ABR: variants seen among roughly 807,000 people sequenced by gnomAD.
The protein encoded by ABR is ABR activator of RhoGEF and GTPase, also known as active breakpoint cluster region-related protein.
A neutral mutation model predicts 107.2 loss-of-function variants in ABR; 35 were observed. That is an observed-to-expected ratio of 0.33 (90% CI 0.25 to 0.43). The LOEUF (loss-of-function observed/expected upper bound fraction) is 0.43, where lower values mean the gene tolerates loss of function less well. ABR is among the 20% of genes least tolerant of loss of function. The pLI is 1.00. For synonymous variants in ABR, 498 were observed against 462.0 expected (o/e 1.08, Z -1.00); for missense variants, 815 against 1,115.2 (o/e 0.73, Z 3.83).
intron 16 of ABR, among the ~76,000 whole-genome samples, chr17:1,025,014 G>T (rs1374252707): frequency 1.4e-5 from 2 of 143,786 alleles, no homozygotes; most frequent in African/African-American, 5.2e-5. Context: ...CCAGCTACTC[G>T]GGAGGCTGAG....
chr17:1,088,978 CT>C (rs1431794068), intron 4 of ABR, among the ~76,000 whole-genome samples: 1 of 149,790 alleles, frequency 6.7e-6, no homozygotes, highest in Non-Finnish European at 1.5e-5. Flanking sequence ...TCACTGCAAC[CT>C]CTGCCTCCCA....
chr17:1,188,896 C>G (rs2042372313), upstream of ABR, among the ~76,000 whole-genome samples: 1 of 152,240 alleles, frequency 6.6e-6, no homozygotes, highest in Non-Finnish European at 1.5e-5. Context: ...CAGGCACACA[C>G]ACCCCTGAAA....
rs368163113 is a variant in ABR, at chr17:1,012,106, G to T, written c.1962-121C>A. Reference sequence around the variant, plus strand: ...AGCATTTGGGATGGAGAGCTGGGGCGGGGGCAGGGGCAGGGCAGAGAAAGA... The same window carrying T: ...AGCATTTGGGATGGAGAGCTGGGGCTGGGGCAGGGGCAGGGCAGAGAAAGA... On this transcript the variant is annotated intron_variant, in intron 18 of 22. Transcript: ENST00000302538. 44 of 1,507,648 alleles carry T rather than the reference G, an allele frequency of 2.9e-5. 1 individual carries two copies. The South Asian group carries it at 4.6e-4, about 16-fold the overall frequency. 93.4% of individuals were successfully genotyped at this position (1,507,648 alleles called of 1,614,324 possible).
At chr17:1,198,961 G>C (rs920589316) in intron 1 of ABR, among the ~76,000 whole-genome samples, 2 of 147,278 alleles carry the variant, frequency 1.4e-5, no homozygotes, top group Non-Finnish European at 3.0e-5. Flanking sequence ...GGCTGAGGTA[G>C]AAGAATCGTT....
At chr17:1,160,487 ACT>A (rs1163232842) in intron 1 of ABR, among the ~76,000 whole-genome samples, 1 of 152,122 alleles carries the variant, frequency 6.6e-6, no homozygotes, top group East Asian at 1.9e-4. Flanking sequence ...CGTCTCTCTG[ACT>A]CTAAGGAGAA....
rs1279205764 is a variant in ABR at position 1,204,895 on chromosome 17, C to CTTTTTTTTTTTTTTTTTTTTTTTTTTTTT, written c.838+23897_838+23898insAAAAAAAAAAAAAAAAAAAAAAAAAAAAA. 4.3e-5 allele frequency among the ~76,000 whole-genome samples: 3 copies of CTTTTTTTTTTTTTTTTTTTTTTTTTTTTT among 70,320 alleles called. 1 individual carries two copies. The highest frequency in any genetic ancestry group is 7.9e-5 in the Non-Finnish European group (3 of 37,802). The allele number at this position is 70,320 out of a possible 152,430, so 46.1% of individuals were successfully genotyped here. On this transcript the variant is annotated intron_variant, in intron 1 of 22. Transcript: ENST00000574139. ...GAACCTCTTTTTTTCTTTTCTTTTT[C>CTTTTTTTTTTTTTTTTTTTTTTTTTTTTT]TTTTTCTTTTTTTTTTTTTTTTTTT...
intron 5 of ABR, among the ~76,000 whole-genome samples, chr17:1,080,426 G>T (rs2036136699): frequency 6.6e-6 from 1 of 152,138 alleles, no homozygotes; most frequent in African/African-American, 2.4e-5. Flanking sequence ...TTGCTAACAG[G>T]ACAGTGCAGC....
chr17:1,124,037 G>A (rs1380540767), intron 2 of ABR, among the ~76,000 whole-genome samples: 5 of 152,116 alleles, frequency 3.3e-5, no homozygotes, highest in African/African-American at 7.2e-5. Context: ...ACTCGGCCTC[G>A]GCCTCTGTTG....
chr17:1,197,252 G>A (rs906853944), intron 1 of ABR, among the ~76,000 whole-genome samples: 2 of 151,746 alleles, frequency 1.3e-5, no homozygotes, highest in Admixed American at 1.3e-4. Flanking sequence ...GTGATCTCCT[G>A]CTGTGGCGCA....
intron 16 of ABR, among the ~76,000 whole-genome samples, chr17:1,018,257 T>C (rs113643406): frequency 7.1e-4 from 108 of 151,578 alleles, no homozygotes; most frequent in African/African-American, 1.9e-3. Flanking sequence ...TTAGCCAGGA[T>C]GGTCTTGATC....
At chr17:1,124,961 G>C (rs1369942155) in intron 2 of ABR, among the ~76,000 whole-genome samples, 2 of 152,146 alleles carry the variant, frequency 1.3e-5, no homozygotes, top group Non-Finnish European at 2.9e-5. Context: ...TAGTAGACGG[G>C]GAGAGACAGG....
At chr17:1,049,125 C>T (rs7210401) in intron 16 of ABR, among the ~76,000 whole-genome samples, 12,592 of 152,174 alleles carry the variant, frequency 0.083, 695 homozygotes, top group Admixed American at 0.16. Context: ...GAGGCCTTTT[C>T]CCTATATATG....
At chr17:1,227,592 T>A (rs910035455) in intron 1 of ABR, among the ~76,000 whole-genome samples, 1 of 152,176 alleles carries the variant, frequency 6.6e-6, no homozygotes, top group South Asian at 2.1e-4. Flanking sequence ...TGCAAACTCA[T>A]CCAGATAAAA....
intron 11 of ABR, 21 bp downstream of exon 11, chr17:1,058,724 C>T (rs765821689): frequency 6.2e-7 from 1 of 1,612,652 alleles, no homozygotes; most frequent in African/African-American, 1.3e-5. Flanking sequence ...CTGTCTTGGT[C>T]CCACCCCCAC....
intron 5 of ABR, among the ~76,000 whole-genome samples, chr17:1,080,629 G>A (rs544907555): frequency 2.6e-5 from 4 of 152,160 alleles, no homozygotes; most frequent in South Asian, 2.1e-4. Context: ...GTCAGCTGCC[G>A]AGGTGATGCC....
At chr17:1,215,286 C>T (rs1054342052) in intron 1 of ABR, among the ~76,000 whole-genome samples, 12 of 151,534 alleles carry the variant, frequency 7.9e-5, no homozygotes, top group Admixed American at 2.6e-4. Context: ...CCTCTGATGC[C>T]GAGCCGAAGC....
At chr17:1,190,366 G>A (rs539511118), upstream of ABR, among the ~76,000 whole-genome samples, 97 of 152,330 alleles carry the variant, frequency 6.4e-4, no homozygotes, top group Non-Finnish European at 1.3e-3. Context: ...AGGCACGGTG[G>A]CTCACGCCTG....
intron 14 of ABR, among the ~76,000 whole-genome samples, chr17:1,052,232 C>T (rs933445956): frequency 2.0e-5 from 3 of 151,860 alleles, no homozygotes; most frequent in Non-Finnish European, 4.4e-5. Context: ...AGGCCCTGAG[C>T]ACCCCAGCCT....
rs1381438588 is a variant in ABR at position 1,157,957 on chromosome 17, T to C, written c.61+21710A>G. ...GGCAGGTATTACTTTATGAGGCTCA[T>C]TTCAAGCGTGCATGGGTATATGTGT... On this transcript the variant is annotated intron_variant, in intron 1 of 22. Transcript: ENST00000302538. This position sits in a 1 kb window ranked among gnomAD's most constrained non-coding sequence, Gnocchi z 4.7. Among the ~76,000 whole-genome samples, 2 of 152,238 alleles carry C rather than the reference T, an allele frequency of 1.3e-5. No homozygotes were observed. Among genetic ancestry groups the C allele is most frequent in the East Asian group, 3.8e-4 (2 of 5,196 alleles).
Sources: allele counts gnomAD v4.1 joint callset (sites outside exome capture counted in the v4.1 genomes callset), GRCh38; gene constraint gnomAD v4.1.1; non-coding constraint Gnocchi (gnomAD v3.1); transcripts MANE v1.5; gene names NCBI Gene and HGNC (gene_info 2026-07-23, HGNC 2026-07-21).